Variants in ZNF385B observed in about 807,000 individuals in gnomAD.
ZNF385B encodes zinc finger protein 385B, also known as zinc finger protein 533.
Under a neutral mutation model 39.2 loss-of-function variants are expected in ZNF385B, and 23 were observed. The ratio of observed to expected loss-of-function variants is 0.59; its 90% CI spans 0.42 to 0.83. The LOEUF is 0.83. ZNF385B is among the 40% of genes least tolerant of loss of function. The pLI, the probability that ZNF385B is intolerant of heterozygous loss-of-function variation, is 0.00. For synonymous variants in ZNF385B, 205 were observed against 222.6 expected (o/e 0.92, Z 0.70); for missense variants, 552 against 598.9 (o/e 0.92, Z 0.82).
chr2:179,493,003 A>T lies in ZNF385B; in HGVS notation c.553-9569T>A, dbSNP rs559755211. 2.6e-5 allele frequency among the ~76,000 whole-genome samples: 4 copies of T among 152,268 alleles called. No individual in the cohort carries two copies. In the East Asian group the frequency reaches 7.7e-4, roughly 29 times the overall value. On this transcript the variant is annotated intron_variant, in intron 5 of 9. Coordinates refer to ENST00000410066, the MANE Select transcript of ZNF385B (RefSeq NM_152520.6). ...GTCTGCTGGAGGCAAAACTAAAATA[A>T]TAGTATCTATAACTTTGATTCACCG...
At chr2:179,696,871 T>C (rs1173797955) in intron 3 of ZNF385B, among the ~76,000 whole-genome samples, 1 of 152,112 alleles carries the variant, frequency 6.6e-6, no homozygotes, top group Non-Finnish European at 1.5e-5. Flanking sequence ...GCTGGGACCA[T>C]CTACCATTCT....
intron 3 of ZNF385B, among the ~76,000 whole-genome samples, chr2:179,662,501 C>T (rs114217138): frequency 0.018 from 2,714 of 151,800 alleles, 35 homozygotes; most frequent in Non-Finnish European, 0.025. Context: ...CTTTACCAGG[C>T]GCTTGATATT....
intron 6 of ZNF385B, among the ~76,000 whole-genome samples, chr2:179,467,780 C>G (rs2052240167): frequency 6.6e-6 from 1 of 151,632 alleles, no homozygotes; most frequent in Non-Finnish European, 1.5e-5. Flanking sequence ...TGACTCTTCA[C>G]TGAATCAGAA....
intron 4 of ZNF385B, among the ~76,000 whole-genome samples, chr2:179,532,482 T>C (rs181833908): frequency 6.6e-6 from 1 of 152,186 alleles, no homozygotes; most frequent in African/African-American, 2.4e-5. Flanking sequence ...AGTGTCTCCG[T>C]AACATTCACA....
At chr2:179,858,166 A>T (rs544719202) in intron 1 of ZNF385B, among the ~76,000 whole-genome samples, 19 of 152,310 alleles carry the variant, frequency 1.2e-4, no homozygotes, top group South Asian at 1.2e-3. Flanking sequence ...TAGAAAGATG[A>T]AGAAGCAGGC....
intron 3 of ZNF385B, among the ~76,000 whole-genome samples, chr2:179,705,011 C>T (rs1057022024): frequency 3.9e-5 from 6 of 152,178 alleles, no homozygotes; most frequent in Admixed American, 1.3e-4. Flanking sequence ...TACTGCTCTG[C>T]CCCCTTTTTT....
intron 3 of ZNF385B, among the ~76,000 whole-genome samples, chr2:179,578,850 C>T (rs1356069): frequency 0.44 from 66,964 of 151,806 alleles, 15,095 homozygotes; most frequent in East Asian, 0.64. Flanking sequence ...ATAGTTTCTT[C>T]TACCTGAGAA....
chr2:179,460,617 A>C (rs1188972605), intron 6 of ZNF385B, among the ~76,000 whole-genome samples: 1 of 152,180 alleles, frequency 6.6e-6, no homozygotes, highest in Non-Finnish European at 1.5e-5. Context: ...TATAGACAAC[A>C]TCACTGTTGT....
intron 9 of ZNF385B, among the ~76,000 whole-genome samples, chr2:179,443,745 G>GA (rs1235385994): frequency 4.6e-5 from 7 of 152,008 alleles, no homozygotes; most frequent in African/African-American, 1.7e-4. Flanking sequence ...TGCTCACCAG[G>GA]AAAAAAAACA....
At chr2:179,515,508 T>A (rs1052672297) in intron 5 of ZNF385B, among the ~76,000 whole-genome samples, 1 of 152,210 alleles carries the variant, frequency 6.6e-6, no homozygotes, top group African/African-American at 2.4e-5. Flanking sequence ...CATTTTCATG[T>A]CATATTTATA....
At chr2:179,574,249 C>G (rs777547870) in intron 3 of ZNF385B, among the ~76,000 whole-genome samples, 1 of 152,108 alleles carries the variant, frequency 6.6e-6, no homozygotes, top group Admixed American at 6.6e-5. Flanking sequence ...CAAAACTGTA[C>G]CTTTCTGTGG....
At chr2:179,696,320 C>A (rs1303961196) in intron 3 of ZNF385B, among the ~76,000 whole-genome samples, 1 of 30,050 alleles carries the variant, frequency 3.3e-5, no homozygotes, top group African/African-American at 9.8e-5. Context: ...TAGGTACAAA[C>A]TGGGACTTTT....
intron 3 of ZNF385B, among the ~76,000 whole-genome samples, chr2:179,708,434 A>G (rs1050736161): frequency 6.6e-6 from 1 of 152,190 alleles, no homozygotes; most frequent in Non-Finnish European, 1.5e-5. Flanking sequence ...GTGAAAACAG[A>G]CTAATACAAG....
chr2:179,497,140 G>A (rs1180374509), intron 5 of ZNF385B, among the ~76,000 whole-genome samples: 2 of 152,162 alleles, frequency 1.3e-5, no homozygotes, highest in African/African-American at 4.8e-5. Context: ...GACCTATTCT[G>A]TAAGAAATGC....
At chr2:179,721,616 T>C (rs897878208) in intron 3 of ZNF385B, among the ~76,000 whole-genome samples, 2 of 152,102 alleles carry the variant, frequency 1.3e-5, no homozygotes, top group African/African-American at 4.8e-5. Flanking sequence ...GAACTAAATA[T>C]ATGTAAAACC....
At chr2:179,677,418 A>C (rs1485879521) in intron 3 of ZNF385B, among the ~76,000 whole-genome samples, 1 of 152,226 alleles carries the variant, frequency 6.6e-6, no homozygotes, top group African/African-American at 2.4e-5. Context: ...ATGATTCCAG[A>C]GAAAATAATT....
chr2:179,828,553 T>C (rs910762072), intron 1 of ZNF385B, among the ~76,000 whole-genome samples: 1 of 152,162 alleles, frequency 6.6e-6, no homozygotes, highest in Admixed American at 6.5e-5. Flanking sequence ...TTTGGTTTAA[T>C]ACTAAGCAAA....
chr2:179,507,923 T>C (rs1448663415), intron 5 of ZNF385B, among the ~76,000 whole-genome samples: 1 of 152,176 alleles, frequency 6.6e-6, no homozygotes, highest in African/African-American at 2.4e-5. Flanking sequence ...AACTGCTCTT[T>C]ATGCTGACCC....
chr2:179,669,369 T>C (rs3106720), intron 3 of ZNF385B, among the ~76,000 whole-genome samples: 63,931 of 152,080 alleles, frequency 0.42, 14,187 homozygotes, highest in African/African-American at 0.57. Flanking sequence ...CATTTCAAAG[T>C]ACACCAACAC....
Sources: gnomAD v4.1 joint callset for allele counts (sites outside exome capture counted in the v4.1 genomes callset) on GRCh38, gnomAD v4.1.1 for gene constraint, MANE v1.5 for transcripts, NCBI Gene and HGNC (gene_info 2026-07-23, HGNC 2026-07-21) for gene names.